ZNF875: variants seen among roughly 807,000 people sequenced by gnomAD.
ZNF875 encodes HKR1, GLI-Kruppel zinc finger family member.
ZNF875 carries 14 observed loss-of-function variants against 11.2 expected under a neutral mutation model. That is an observed-to-expected ratio of 1.26 (90% confidence interval 0.83 to 1.96). The LOEUF (loss-of-function observed/expected upper bound fraction) is 1.96. Ranked by LOEUF, ZNF875 falls within the 30% of genes most tolerant of loss-of-function variation. ZNF875 has a pLI of 0.00. For missense variants in ZNF875, 752 were observed against 760.4 expected (o/e 0.99, Z 0.13); for synonymous variants, 301 against 281.1 (o/e 1.07, Z -0.71).
Position 37,347,297 on chromosome 19 carries a change from T to G in ZNF875, c.141T>G (p.Tyr47Ter), listed in dbSNP as rs141089018. ...TLHREVMLET[Y>*]NHLVSLEIPS... is the part of the protein sequence containing the mutation. ...ACAGGGAGGTGATGCTGGAGACTTA[T>G]AACCATCTGGTCTCACTGGGTAAGA... is the stretch of plus-strand genomic sequence containing the variant. Residue 47 changes from tyrosine (Y) to a stop codon, truncating the protein, a stop_gained, in exon 3 of 5, where the codon TAT becomes TAG. Coordinates refer to ENST00000392153, the MANE Select transcript of ZNF875 (RefSeq NM_001353803.2). LOFTEE classifies it high-confidence loss of function. 130 of 1,613,778 alleles carry G rather than the reference T, an allele frequency of 8.1e-5. No homozygotes were observed. Among genetic ancestry groups the G allele is most frequent in the Non-Finnish European group, 1.1e-4 (125 of 1,179,834 alleles).
upstream of ZNF875, among the ~76,000 whole-genome samples, chr19:37,316,526 C>G (rs2030202356): frequency 6.6e-6 from 1 of 151,736 alleles, no homozygotes. Flanking sequence ...TGTGCCACCA[C>G]GCCCGGCTAA....
chr19:37,313,853 T>C (rs2030067399), upstream of ZNF875, among the ~76,000 whole-genome samples: 2 of 152,204 alleles, frequency 1.3e-5, no homozygotes, highest in African/African-American at 4.8e-5. Context: ...CTTTTTCTTG[T>C]ACATCTTTAA....
At chr19:37,331,213 A>G (rs139582353), upstream of ZNF875, among the ~76,000 whole-genome samples, 1,783 of 139,056 alleles carry the variant, frequency 0.013, 17 homozygotes, top group Non-Finnish European at 0.021. Flanking sequence ...AAAAGTGTAT[A>G]GAGCTAATAA....
rs1309345280 is a variant in ZNF875, at chr19:37,363,726, T to G, written c.1874T>G (p.Phe625Cys). The G allele has an allele frequency of 6.2e-7, 1 of 1,614,020 alleles. No individual in the cohort carries two copies. The highest frequency in any genetic ancestry group is 8.5e-7 in the Non-Finnish European group (1 of 1,179,972). ...PYICRKCGRG[F>C]SRKSNLIRHQ... is the part of the protein sequence containing the mutation. ...ATTTGCAGAAAGTGTGGACGGGGCTTTAGTCGGAAGTCCAACCTTATCAGA... is the reference window on the plus strand; with the variant it reads ...ATTTGCAGAAAGTGTGGACGGGGCTGTAGTCGGAAGTCCAACCTTATCAGA... The change falls in exon 5 of 5, where the codon TTT becomes TGT. Residue 625 changes from phenylalanine (F) to cysteine (C), a missense_variant. Physicochemically the swap from Phe to Cys is radical, Grantham distance 205 (BLOSUM62 -2). Coordinates refer to ENST00000392153, the MANE Select transcript of ZNF875 (RefSeq NM_001353803.2).
At chr19:37,314,062 C>G (rs1210343350), upstream of ZNF875, among the ~76,000 whole-genome samples, 3 of 151,906 alleles carry the variant, frequency 2.0e-5, no homozygotes, top group Non-Finnish European at 4.4e-5. Context: ...AAAAGTCATT[C>G]ATTTATATCA....
At chr19:37,331,060 G>A (rs1384846361), upstream of ZNF875, among the ~76,000 whole-genome samples, 2 of 151,606 alleles carry the variant, frequency 1.3e-5, no homozygotes, top group Non-Finnish European at 2.9e-5. Flanking sequence ...GGTGGCAGGC[G>A]CCTGTAGTCC....
At chr19:37,343,689 A>G (rs919111654) in intron 2 of ZNF875, among the ~76,000 whole-genome samples, 5 of 152,108 alleles carry the variant, frequency 3.3e-5, no homozygotes, top group Admixed American at 2.0e-4. Context: ...ATGCCTCTCA[A>G]ACATCTGCTT....
At chr19:37,342,663 C>T (rs2035970528) in intron 2 of ZNF875, among the ~76,000 whole-genome samples, 6 of 152,122 alleles carry the variant, frequency 3.9e-5, no homozygotes, top group Admixed American at 3.3e-4. Flanking sequence ...GCGCCTGCCT[C>T]GGCCTCCCAA....
At chr19:37,313,069 T>C (rs1410650249), upstream of ZNF875, 1 of 152,224 alleles carries the variant, frequency 6.6e-6, no homozygotes, top group Non-Finnish European at 1.5e-5. Flanking sequence ...GCTGAGGGAA[T>C]GGTCAGCTTC....
At chr19:37,353,922 T>A (rs1362093218) in intron 4 of ZNF875, among the ~76,000 whole-genome samples, 1 of 152,142 alleles carries the variant, frequency 6.6e-6, no homozygotes, top group Admixed American at 6.5e-5. Context: ...TATTTTCTAT[T>A]CACTGTGAGA....
upstream of ZNF875, among the ~76,000 whole-genome samples, chr19:37,316,311 ATT>A (rs1199701891): frequency 1.3e-5 from 2 of 152,224 alleles, no homozygotes; most frequent in Non-Finnish European, 2.9e-5. Context: ...CAGAGAAAGC[ATT>A]TGTTTGATTT....
At chr19:37,352,898 A>G (rs1490420663) in intron 4 of ZNF875, among the ~76,000 whole-genome samples, 3 of 109,330 alleles carry the variant, frequency 2.7e-5, no homozygotes, top group African/African-American at 3.7e-5. Flanking sequence ...TTTTTGAGAC[A>G]TAGTCTCACT....
chr19:37,313,369 A>G (rs1310969944), upstream of ZNF875: 1 of 152,254 alleles, frequency 6.6e-6, no homozygotes, highest in Non-Finnish European at 1.5e-5. Context: ...GGGACTTGAC[A>G]GCCACACTCT....
At chr19:37,357,524 T>A (rs2039116754) in intron 4 of ZNF875, among the ~76,000 whole-genome samples, 1 of 152,164 alleles carries the variant, frequency 6.6e-6, no homozygotes, top group African/African-American at 2.4e-5. Context: ...GTTTTGTAGT[T>A]CTCCTCGCAG....
At chr19:37,345,598 C>T (rs1051856465) in intron 2 of ZNF875, among the ~76,000 whole-genome samples, 3 of 152,092 alleles carry the variant, frequency 2.0e-5, no homozygotes, top group Non-Finnish European at 2.9e-5. Flanking sequence ...GGCTGATAGA[C>T]CCCCAGCATG....
intron 4 of ZNF875, among the ~76,000 whole-genome samples, chr19:37,327,892 T>C (rs1342569269): frequency 2.6e-5 from 4 of 152,224 alleles, no homozygotes; most frequent in Admixed American, 2.6e-4. Flanking sequence ...GATTGTGTTC[T>C]TTCCTGTGCT....
At position 37,362,147 on chromosome 19, in the gene ZNF875, C is replaced by T. The variant is rs1488712599; in HGVS notation, c.295C>T (p.Leu99=). ...PEIQLSPSCP[L]IFSSQQALSQ... ...AATTCAACTTAGTCCCTCCTGCCCT[C>T]TGATTTTCTCCAGTCAGCAAGCTCT... is the stretch of plus-strand genomic sequence containing the variant. The change falls in exon 5 of 5, where the codon CTG becomes TTG. Residue 99 remains leucine (L), a synonymous_variant. Coordinates refer to ENST00000392153, the MANE Select transcript of ZNF875 (RefSeq NM_001353803.2). The T allele has an allele frequency of 6.2e-7, 1 of 1,614,104 alleles. No individual in the cohort carries two copies. Among genetic ancestry groups the T allele is most frequent in the Non-Finnish European group, 8.5e-7 (1 of 1,179,990 alleles).
At chr19:37,358,089 T>C (rs2039226572) in intron 4 of ZNF875, 1 of 372,702 alleles carries the variant, frequency 2.7e-6, no homozygotes, top group Admixed American at 4.6e-5. Flanking sequence ...CATGAAGGGG[T>C]GTTGGATTTT....
At chr19:37,337,083 C>T (rs1249333509) in intron 2 of ZNF875, among the ~76,000 whole-genome samples, 1 of 151,782 alleles carries the variant, frequency 6.6e-6, no homozygotes, top group Non-Finnish European at 1.5e-5. Context: ...GAAAATAAAT[C>T]TGCCCTAAAT....
Sources: gnomAD v4.1 joint callset for allele counts (sites outside exome capture counted in the v4.1 genomes callset) on GRCh38, gnomAD v4.1.1 for gene constraint, MANE v1.5 for transcripts, NCBI Gene and HGNC (gene_info 2026-07-23, HGNC 2026-07-21) for gene names.